The following MEI4 variants were observed in gnomAD, a reference collection of about 807,000 sequenced individuals.
MEI4 encodes the protein meiotic double-stranded break formation protein 4.
A neutral mutation model predicts 31.4 loss-of-function variants in MEI4; 27 were observed. That is an observed-to-expected ratio of 0.86 (90% confidence interval 0.63 to 1.19). The LOEUF (loss-of-function observed/expected upper bound fraction) is 1.19. Among genes scored for constraint, MEI4 ranks in the 50% most tolerant of loss-of-function variants. The pLI, the probability that MEI4 is intolerant of heterozygous loss-of-function variation, is 0.00. For synonymous variants in MEI4, 122 were observed against 145.4 expected (o/e 0.84, Z 1.16); for missense variants, 329 against 398.9 (o/e 0.82, Z 1.49).
At chr6:77,749,130 G>T (rs1767697311) in intron 2 of MEI4, among the ~76,000 whole-genome samples, 2 of 152,132 alleles carry the variant, frequency 1.3e-5, no homozygotes, top group African/African-American at 4.8e-5. Context: ...TGACTTCAAA[G>T]ACCAAAGGTA....
chr6:77,758,303 T>C (rs1009379013), intron 2 of MEI4, among the ~76,000 whole-genome samples: 1 of 152,220 alleles, frequency 6.6e-6, no homozygotes, highest in African/African-American at 2.4e-5. Flanking sequence ...GCATGGCATG[T>C]AGAAGTTGTA....
intron 2 of MEI4, among the ~76,000 whole-genome samples, chr6:77,735,250 C>T (rs1342405063): frequency 6.6e-6 from 1 of 151,902 alleles, no homozygotes; most frequent in Non-Finnish European, 1.5e-5. Context: ...GCTCCATTCT[C>T]CCCGTCACTT....
At chr6:77,868,045 A>G (rs1179443969) in intron 4 of MEI4, among the ~76,000 whole-genome samples, 1 of 149,830 alleles carries the variant, frequency 6.7e-6, no homozygotes, top group Non-Finnish European at 1.5e-5. Flanking sequence ...AGGAAGGGGA[A>G]CATCACACTC....
At chr6:77,865,150 C>G (rs1770987580) in intron 4 of MEI4, among the ~76,000 whole-genome samples, 3 of 151,830 alleles carry the variant, frequency 2.0e-5, no homozygotes, top group Middle Eastern at 6.9e-3. Flanking sequence ...AAATTGACAC[C>G]CTAACATCAC....
At chr6:77,688,446 A>G (rs1023999202) in intron 1 of MEI4, among the ~76,000 whole-genome samples, 1 of 152,146 alleles carries the variant, frequency 6.6e-6, no homozygotes, top group Non-Finnish European at 1.5e-5. Flanking sequence ...GTTACAATCC[A>G]TAAGAATTTT....
rs34127841 is a variant in MEI4, at chr6:77,765,406, AT to A, written c.768+3750del. Among the ~76,000 whole-genome samples the A allele has an allele frequency of 3.0e-4, 45 of 150,958 alleles. 1 individual carries two copies. The highest frequency in any genetic ancestry group is 1.0e-3 in the African/African-American group (41 of 40,908). On this transcript the variant is annotated intron_variant, in intron 3 of 4. Transcript: ENST00000684080. ...AACTTAAATACCATCAGCTGATTTT[AT>A]TTTTTTTTAAATTTTATTATTATTA...
At chr6:77,883,732 A>C (rs1404599657) in intron 4 of MEI4, among the ~76,000 whole-genome samples, 5 of 141,232 alleles carry the variant, frequency 3.5e-5, no homozygotes, top group Non-Finnish European at 7.6e-5. Flanking sequence ...ATATATATAT[A>C]TATATATATA....
intron 4 of MEI4, among the ~76,000 whole-genome samples, chr6:77,853,537 A>C (rs1260168199): frequency 1.3e-5 from 2 of 152,208 alleles, no homozygotes; most frequent in African/African-American, 4.8e-5. Flanking sequence ...CAATGTCTGC[A>C]CTACATAACT....
intron 2 of MEI4, among the ~76,000 whole-genome samples, chr6:77,727,430 T>A (rs374491371): frequency 2.0e-4 from 30 of 152,320 alleles, no homozygotes; most frequent in Admixed American, 2.0e-3. Context: ...TTTGAAGATA[T>A]ATGTTTAGCA....
At chr6:77,658,662 G>A (rs983419892) in intron 1 of MEI4, among the ~76,000 whole-genome samples, 3 of 152,040 alleles carry the variant, frequency 2.0e-5, no homozygotes, top group African/African-American at 7.2e-5. Context: ...GATATTGTGG[G>A]GATGTTAGAA....
chr6:77,812,293 C>T (rs1406271079), intron 3 of MEI4, among the ~76,000 whole-genome samples: 1 of 150,960 alleles, frequency 6.6e-6, no homozygotes, highest in Admixed American at 6.6e-5. Flanking sequence ...TTTGAATACC[C>T]ACAAAAATAA....
chr6:77,667,266 A>T (rs1280705975), intron 1 of MEI4, among the ~76,000 whole-genome samples: 3 of 152,208 alleles, frequency 2.0e-5, no homozygotes, highest in Non-Finnish European at 4.4e-5. Flanking sequence ...TCCAATAGAC[A>T]TTTGTTACAT....
chr6:77,748,684 A>T lies in MEI4; in HGVS notation c.233-12446A>T, dbSNP rs140014406. On this transcript the variant is annotated intron_variant, in intron 2 of 4. Coordinates refer to ENST00000684080, the MANE Select transcript of MEI4 (RefSeq NM_001322247.2). ...TATGTAAATTTCTGCAGCTGGCTTGAATTTCTCCCAAGAAAATAGGTTTTT... is the reference window on the plus strand; with the variant it reads ...TATGTAAATTTCTGCAGCTGGCTTGTATTTCTCCCAAGAAAATAGGTTTTT... 1.4e-3 allele frequency among the ~76,000 whole-genome samples: 213 copies of T among 152,318 alleles called. 1 individual carries two copies. Among genetic ancestry groups the T allele is most frequent in the African/African-American group, 4.5e-3 (187 of 41,574 alleles).
chr6:77,755,752 T>C (rs1472205700), intron 2 of MEI4, among the ~76,000 whole-genome samples: 1 of 152,094 alleles, frequency 6.6e-6, no homozygotes, highest in Non-Finnish European at 1.5e-5. Flanking sequence ...TTTAGCATAA[T>C]TTAGATTTCT....
At chr6:77,791,530 G>A (rs1239864697) in intron 3 of MEI4, among the ~76,000 whole-genome samples, 1 of 126,274 alleles carries the variant, frequency 7.9e-6, no homozygotes, top group East Asian at 2.8e-4. Context: ...GGCGACTGTT[G>A]TGGGGTGGGG....
intron 2 of MEI4, among the ~76,000 whole-genome samples, chr6:77,734,599 A>T (rs998649661): frequency 8.6e-5 from 13 of 151,998 alleles, no homozygotes; most frequent in African/African-American, 2.9e-4. Flanking sequence ...CCAATTTGCC[A>T]GTCTGTGTCT....
At chr6:77,790,426 AAAG>A (rs1253165120) in intron 3 of MEI4, among the ~76,000 whole-genome samples, 1 of 151,994 alleles carries the variant, frequency 6.6e-6, no homozygotes, top group East Asian at 1.9e-4. Context: ...GAATGATAAA[AAAG>A]AAGAAAGAAA....
At chr6:77,694,877 C>T (rs1374236742) in intron 2 of MEI4, among the ~76,000 whole-genome samples, 1 of 150,842 alleles carries the variant, frequency 6.6e-6, no homozygotes. Flanking sequence ...ACAGTCCCAC[C>T]AACAGTGTAA....
intron 2 of MEI4, among the ~76,000 whole-genome samples, chr6:77,760,666 TA>T (rs1486039805): frequency 1.3e-5 from 2 of 152,174 alleles, no homozygotes; most frequent in African/African-American, 2.4e-5. Flanking sequence ...ACTTTATAAG[TA>T]GTTCCATCAT....
Sources: allele counts gnomAD v4.1 joint callset (sites outside exome capture counted in the v4.1 genomes callset), GRCh38; gene constraint gnomAD v4.1.1; transcripts MANE v1.5; gene names NCBI Gene and HGNC (gene_info 2026-07-23, HGNC 2026-07-21).